Variants in FGF9 observed in about 807,000 individuals in gnomAD.
FGF9 encodes the protein fibroblast growth factor 9 (glia-activating factor).
Under a neutral mutation model 19.9 loss-of-function variants are expected in FGF9, and 3 were observed. The ratio of observed to expected loss-of-function variants is 0.15; its 90% CI spans 0.07 to 0.39. The LOEUF (loss-of-function observed/expected upper bound fraction) is 0.39, where lower values mean the gene tolerates loss of function less well. FGF9 is among the 10% of genes least tolerant of loss of function. FGF9 has a pLI of 1.00. For missense variants in FGF9, 175 were observed against 256.8 expected (o/e 0.68, Z 2.18); for synonymous variants, 107 against 106.9 (o/e 1.00, Z -0.01).
chr13:21,677,154 C>T (rs932089452), intron 1 of FGF9, among the ~76,000 whole-genome samples: 1 of 152,154 alleles, frequency 6.6e-6, no homozygotes, highest in African/African-American at 2.4e-5. Context: ...CCCTGTGCTT[C>T]CCATGTCACC....
In FGF9 at chr13:21,691,979, CTT is replaced by C. The variant is rs11439016; in HGVS notation, c.382-9198_382-9197del. Among the ~76,000 whole-genome samples, 396 of 145,314 alleles carry C rather than the reference CTT, an allele frequency of 2.7e-3. 5 individuals carry two copies. The highest frequency in any genetic ancestry group is 0.011 in the Middle Eastern group (3 of 280). On this transcript the variant is annotated intron_variant, in intron 2 of 2. Transcript: ENST00000382353. The surrounding 1 kb of genome is among the most constrained non-coding windows in gnomAD (Gnocchi z 4.2). ...TGACATTAATTGATTCCCTTTTAATCTTTTTTTTTTTTTTGTAATTCTTCATT... is the reference window on the plus strand; with the variant it reads ...TGACATTAATTGATTCCCTTTTAATCTTTTTTTTTTTTGTAATTCTTCATT...
Position 21,671,589 on chromosome 13 carries a change from G to A in FGF9, c.-324G>A, listed in dbSNP as rs1312398410. 7 of 498,864 alleles carry A rather than the reference G, an allele frequency of 1.4e-5. No homozygotes were observed. The highest frequency in any genetic ancestry group is 2.1e-5 in the Non-Finnish European group (6 of 284,682). The allele number at this position is 498,864 out of a possible 1,614,324, so 30.9% of individuals were successfully genotyped here. A position where few individuals can be genotyped will look rare whatever the true frequency, so the allele number is the denominator to read the frequency against. On this transcript the variant is annotated 5_prime_UTR_variant, in exon 1 of 3. Coordinates refer to ENST00000382353, the MANE Select transcript of FGF9 (RefSeq NM_002010.3). ...CTACGGATTTTTTTTCCTTATTACG[G>A]TCGGATGGGATGAAGACCTTCCTGC...
chr13:21,700,424 T>C (rs1481262796), intron 2 of FGF9, among the ~76,000 whole-genome samples: 1 of 152,232 alleles, frequency 6.6e-6, no homozygotes, highest in African/African-American at 2.4e-5. Context: ...TGAGAATTGC[T>C]GAATCAGAGT....
At chr13:21,676,666 T>C (rs556699133) in intron 1 of FGF9, among the ~76,000 whole-genome samples, 72 of 152,326 alleles carry the variant, frequency 4.7e-4, no homozygotes, top group South Asian at 1.7e-3. Flanking sequence ...AGAGGCTTAA[T>C]CATTAATTTT....
At chr13:21,676,830 C>G (rs1808543327) in intron 1 of FGF9, among the ~76,000 whole-genome samples, 1 of 152,214 alleles carries the variant, frequency 6.6e-6, no homozygotes, top group South Asian at 2.1e-4. Context: ...CTCCCACTGC[C>G]TTGCCTGGCC....
intron 1 of FGF9, among the ~76,000 whole-genome samples, chr13:21,679,295 C>T (rs769239483): frequency 5.3e-5 from 8 of 152,144 alleles, no homozygotes; most frequent in Non-Finnish European, 1.0e-4. Context: ...AGAAATAGCT[C>T]TTCTTTTTTA....
chr13:21,674,314 T>TCGGGGGCCCCTGGC (rs1565947865), intron 1 of FGF9: 1 of 121,260 alleles, frequency 8.2e-6, no homozygotes, highest in Non-Finnish European at 1.7e-5. Context: ...GGGAGGTGGG[T>TCGGGGGCCCCTGGC]CGGGGGCCCC....
Position 21,672,903 on chromosome 13 carries a change from G to C in FGF9, c.277+714G>C, listed in dbSNP as rs17070039. ...GTGTGCAGCCCTGTGTAGGTCTCCT[G>C]CGTGGCTCTCTGGTGTGAGTGTGTG... On this transcript the variant is annotated intron_variant, in intron 1 of 2. Coordinates refer to ENST00000382353, the MANE Select transcript of FGF9 (RefSeq NM_002010.3). This position sits in a 1 kb window ranked among gnomAD's most constrained non-coding sequence, Gnocchi z 4.2. 0.029 allele frequency among the ~76,000 whole-genome samples: 4,086 copies of C among 139,486 alleles called. 84 individuals carry two copies. The highest frequency in any genetic ancestry group is 0.063 in the South Asian group (273 of 4,336). 91.5% of individuals were successfully genotyped at this position (139,486 alleles called of 152,430 possible). A position where few individuals can be genotyped will look rare whatever the true frequency, so the allele number is the denominator to read the frequency against.
At chr13:21,701,066 GT>G in intron 2 of FGF9, 123 bp from the exon 3 acceptor site, 1 of 729,814 alleles carries the variant, frequency 1.4e-6, no homozygotes, top group South Asian at 1.6e-5. Flanking sequence ...GGATGCGCAG[GT>G]TTGTTAAATA....
chr13:21,677,930 AC>A (rs1488221302), intron 1 of FGF9, among the ~76,000 whole-genome samples: 1 of 152,034 alleles, frequency 6.6e-6, no homozygotes, highest in East Asian at 1.9e-4. Context: ...GCCTTCAGAA[AC>A]CCAGATGAGC....
rs563862802 is a variant in FGF9, at chr13:21,695,070, G to A, written c.382-6120G>A. On this transcript the variant is annotated intron_variant, in intron 2 of 2. Coordinates refer to ENST00000382353, the MANE Select transcript of FGF9 (RefSeq NM_002010.3). ...AGCATGCAGCACTGAAGATGTGTGC[G>A]TGTGTGTGTGTGCGTGTGTGTGTGT... Among the ~76,000 whole-genome samples the A allele has an allele frequency of 1.2e-4, 18 of 145,392 alleles. No individual in the cohort carries two copies. The South Asian group carries it at 2.3e-3, about 19-fold the overall frequency.
In FGF9 at chr13:21,671,147, G is replaced by A. The variant is rs1317311544; in HGVS notation, c.-766G>A. 1.3e-5 allele frequency among the ~76,000 whole-genome samples: 2 copies of A among 152,206 alleles called. No homozygotes were observed. Among genetic ancestry groups the A allele is most frequent in the African/African-American group, 2.4e-5 (1 of 41,466 alleles). ...CTACAACGCTCCGCGAGCCGGCGCG[G>A]CAACACCTGTTCGCGGCAGCCTGGG... is the stretch of plus-strand genomic sequence containing the variant. On this transcript the variant is annotated 5_prime_UTR_variant, in exon 1 of 3. Coordinates refer to ENST00000382353, the MANE Select transcript of FGF9 (RefSeq NM_002010.3).
rs906127706 is a variant in FGF9 at position 21,703,178 on chromosome 13, G to A, written c.*1743G>A. 3.9e-5 allele frequency: 6 copies of A among 152,206 alleles called. No individual in the cohort carries two copies. Among genetic ancestry groups the A allele is most frequent in the African/African-American group, 1.4e-4 (6 of 41,460 alleles). The allele number at this position is 152,206 out of a possible 1,614,324, so 9.4% of individuals were successfully genotyped here. ...TTGTGTTGAGAAGTGCAAAGTGACG[G>A]TTTAAACATGTGTTGGGATTTATTG... On this transcript the variant is annotated 3_prime_UTR_variant, in exon 3 of 3. Coordinates refer to ENST00000382353, the MANE Select transcript of FGF9 (RefSeq NM_002010.3).
intron 2 of FGF9, among the ~76,000 whole-genome samples, chr13:21,697,465 T>G (rs1872435364): frequency 6.6e-6 from 1 of 152,162 alleles, no homozygotes; most frequent in South Asian, 2.1e-4. Flanking sequence ...TGTTTGAAAT[T>G]GAATAATTGG....
intron 2 of FGF9, among the ~76,000 whole-genome samples, chr13:21,696,871 T>C (rs891042828): frequency 2.0e-5 from 3 of 152,182 alleles, no homozygotes. Flanking sequence ...TAATCCCCAA[T>C]AAGAGGAAGA....
intron 2 of FGF9, among the ~76,000 whole-genome samples, chr13:21,690,177 GCACACTCGCTCA>G (rs1437623503): frequency 6.6e-6 from 1 of 151,866 alleles, no homozygotes; most frequent in Non-Finnish European, 1.5e-5. Context: ...TCACACATTC[GCACACTCGCTCA>G]CACACTCACA....
intron 2 of FGF9, among the ~76,000 whole-genome samples, chr13:21,689,312 A>G (rs1236855488): frequency 6.6e-6 from 1 of 152,228 alleles, no homozygotes; most frequent in Non-Finnish European, 1.5e-5. Flanking sequence ...TTTGTAAAGC[A>G]GAGCTCTGCG....
At chr13:21,677,504 G>T (rs1456531175) in intron 1 of FGF9, among the ~76,000 whole-genome samples, 3 of 152,212 alleles carry the variant, frequency 2.0e-5, no homozygotes, top group African/African-American at 7.2e-5. Flanking sequence ...GGAAGCACTT[G>T]CCTGGCACCA....
Position 21,671,868 on chromosome 13 carries a change from C to A in FGF9, c.-45C>A. ...TCGCCTAATATCTCCTGGGTTGACACCATCATTATTGTTTATTCTTGTGCT... is the reference window on the plus strand; with the variant it reads ...TCGCCTAATATCTCCTGGGTTGACAACATCATTATTGTTTATTCTTGTGCT... On this transcript the variant is annotated 5_prime_UTR_variant, in exon 1 of 3. Transcript: ENST00000382353. 6.2e-7 allele frequency: 1 copy of A among 1,611,832 alleles called. No individual in the cohort carries two copies. Among genetic ancestry groups the A allele is most frequent in the South Asian group, 1.1e-5 (1 of 90,962 alleles).
Sources: gnomAD v4.1 joint callset for allele counts (sites outside exome capture counted in the v4.1 genomes callset) on GRCh38, gnomAD v4.1.1 for gene constraint, Gnocchi (gnomAD v3.1) non-coding constraint, MANE v1.5 for transcripts, NCBI Gene and HGNC (gene_info 2026-07-23, HGNC 2026-07-21) for gene names.